The following NOX4 variants were observed in gnomAD, a reference collection of about 807,000 sequenced individuals.
NOX4 encodes the protein NADPH oxidase 4.
A neutral mutation model predicts 87.6 loss-of-function variants in NOX4; 69 were observed. The observed-to-expected ratio is 0.79, with a 90% CI of 0.65 to 0.96. The LOEUF (loss-of-function observed/expected upper bound fraction) is 0.96, where lower values mean the gene tolerates loss of function less well. Ranked by LOEUF, NOX4 falls within the 40% of genes least tolerant of loss-of-function variation. NOX4 has a pLI of 0.00. For missense variants in NOX4, 680 were observed against 681.5 expected (o/e 1.00, Z 0.02); for synonymous variants, 275 against 238.2 (o/e 1.15, Z -1.42).
chr11:89,527,728 G>A, the NOX4 span, among the ~76,000 whole-genome samples: 6 of 152,160 alleles, frequency 3.9e-5, no homozygotes, highest in African/African-American at 1.4e-4. Flanking sequence ...AGATTTCAGA[G>A]GATGTATGGA....
At chr11:89,428,901 C>G (rs536191955) in intron 7 of NOX4, among the ~76,000 whole-genome samples, 16 of 152,190 alleles carry the variant, frequency 1.1e-4, no homozygotes, top group Non-Finnish European at 2.1e-4. Context: ...CTCCAATCAG[C>G]AGAATACACA....
chr11:89,405,499 T>C (rs1247802523), intron 8 of NOX4, among the ~76,000 whole-genome samples: 2 of 151,822 alleles, frequency 1.3e-5, no homozygotes, highest in Non-Finnish European at 2.9e-5. Flanking sequence ...AACAATATGG[T>C]ATATGCCTAA....
intron 17 of NOX4, among the ~76,000 whole-genome samples, chr11:89,331,696 G>A (rs944831751): frequency 1.3e-5 from 2 of 151,438 alleles, no homozygotes; most frequent in African/African-American, 4.8e-5. Context: ...AAAGGCCCTT[G>A]TTAAATACTT....
intron 12 of NOX4, among the ~76,000 whole-genome samples, chr11:89,359,782 A>C (rs1418828817): frequency 6.6e-6 from 1 of 152,042 alleles, no homozygotes; most frequent in African/African-American, 2.4e-5. Context: ...GAATATTTTA[A>C]CTGTTTTGAG....
chr11:89,546,865 C>G, the NOX4 span, among the ~76,000 whole-genome samples: 3 of 152,198 alleles, frequency 2.0e-5, no homozygotes, highest in African/African-American at 7.2e-5. Context: ...AACTAATCAC[C>G]TATTCAAGGT....
At chr11:89,414,767 G>T (rs1356082730) in intron 8 of NOX4, among the ~76,000 whole-genome samples, 3 of 151,578 alleles carry the variant, frequency 2.0e-5, no homozygotes, top group African/African-American at 7.3e-5. Flanking sequence ...CATTTTCTGG[G>T]AGCTAGTTAG....
the NOX4 span, among the ~76,000 whole-genome samples, chr11:89,507,767 T>C: frequency 6.6e-6 from 1 of 151,910 alleles, no homozygotes; most frequent in Non-Finnish European, 1.5e-5. Flanking sequence ...ACATGGTAAA[T>C]ATTAGATAAT....
intron 7 of NOX4, 91 bp from the exon 8 acceptor site, chr11:89,422,073 A>C: frequency 2.8e-5 from 19 of 675,728 alleles, no homozygotes; most frequent in Non-Finnish European, 4.4e-5. Context: ...CAAACATCTC[A>C]CAATTTAAAA....
chr11:89,404,465 T>G (rs1942055221), intron 8 of NOX4, among the ~76,000 whole-genome samples: 1 of 152,084 alleles, frequency 6.6e-6, no homozygotes, highest in Admixed American at 6.6e-5. Context: ...TGAACATAAA[T>G]CAGACTACAG....
At chr11:89,562,764 A>C in the NOX4 span, among the ~76,000 whole-genome samples, 1 of 152,064 alleles carries the variant, frequency 6.6e-6, no homozygotes, top group Admixed American at 6.6e-5. Context: ...GAGACTTTTC[A>C]CCTATGCTTT....
intron 2 of NOX4, among the ~76,000 whole-genome samples, chr11:89,468,629 C>G (rs750903218): frequency 1.3e-5 from 2 of 152,114 alleles, no homozygotes; most frequent in Non-Finnish European, 2.9e-5. Flanking sequence ...AAAATGGGAG[C>G]GGGTGAGAGA....
chr11:89,339,686 A>G (rs961829615), intron 15 of NOX4, among the ~76,000 whole-genome samples: 9 of 152,178 alleles, frequency 5.9e-5, no homozygotes, highest in African/African-American at 2.2e-4. Flanking sequence ...TGCTATCAGA[A>G]CAGAGGATGG....
At chr11:89,431,047 A>G (rs532918183) in intron 7 of NOX4, among the ~76,000 whole-genome samples, 101 of 152,214 alleles carry the variant, frequency 6.6e-4, no homozygotes, top group Admixed American at 1.8e-3. Context: ...CAGAAATAAT[A>G]CCACACATCT....
chr11:89,532,699 G>A, the NOX4 span, among the ~76,000 whole-genome samples: 2 of 152,046 alleles, frequency 1.3e-5, no homozygotes, highest in African/African-American at 4.8e-5. Context: ...GAGGGGCCAG[G>A]GGCAGAATGA....
intron 16 of NOX4, among the ~76,000 whole-genome samples, chr11:89,336,269 C>G (rs1327937365): frequency 6.6e-6 from 1 of 151,842 alleles, no homozygotes; most frequent in African/African-American, 2.4e-5. Context: ...TGACAAATGG[C>G]TAATTTTCTT....
At chr11:89,405,736 C>G (rs1942133828) in intron 8 of NOX4, among the ~76,000 whole-genome samples, 1 of 139,438 alleles carries the variant, frequency 7.2e-6, no homozygotes, top group Non-Finnish European at 1.5e-5. Context: ...TGAAAGGCCA[C>G]CTACTGGTTA....
chr11:89,457,357 C>A (rs1016721), intron 2 of NOX4, among the ~76,000 whole-genome samples: 2 of 152,202 alleles, frequency 1.3e-5, no homozygotes, highest in Admixed American at 1.3e-4. Flanking sequence ...CCTGCACCAG[C>A]CACACTGCCA....
At chr11:89,513,283 G>A in the NOX4 span, among the ~76,000 whole-genome samples, 1 of 151,472 alleles carries the variant, frequency 6.6e-6, no homozygotes, top group East Asian at 1.9e-4. Context: ...TCCTGCCATT[G>A]TACTCCAGCC....
chr11:89,519,701 G>A, the NOX4 span, among the ~76,000 whole-genome samples: 1 of 152,052 alleles, frequency 6.6e-6, no homozygotes, highest in Non-Finnish European at 1.5e-5. Context: ...ATCCTGCAGT[G>A]AAGAACGGAA....
Sources: allele counts gnomAD v4.1 joint callset (sites outside exome capture counted in the v4.1 genomes callset), GRCh38; gene constraint gnomAD v4.1.1; transcripts MANE v1.5; gene names NCBI Gene and HGNC (gene_info 2026-07-23, HGNC 2026-07-21).